The following SECISBP2L variants were observed in gnomAD, a reference collection of about 807,000 sequenced individuals.
The protein encoded by SECISBP2L is SECIS binding protein 2 like.
A neutral mutation model predicts 114.7 loss-of-function variants in SECISBP2L; 43 were observed. The ratio of observed to expected loss-of-function variants is 0.38; its 90% CI spans 0.29 to 0.48. The LOEUF (loss-of-function observed/expected upper bound fraction) is 0.48, where lower values mean the gene tolerates loss of function less well. Among genes scored for constraint, SECISBP2L ranks in the 20% least tolerant of loss-of-function variants. SECISBP2L has a pLI of 0.98. For missense variants in SECISBP2L, 1,136 were observed against 1,301.1 expected (o/e 0.87, Z 1.95); for synonymous variants, 451 against 439.7 (o/e 1.03, Z -0.32).
intron 4 of SECISBP2L, among the ~76,000 whole-genome samples, chr15:49,032,695 T>C (rs1177909258): frequency 6.6e-6 from 1 of 152,192 alleles, no homozygotes; most frequent in Admixed American, 6.6e-5. Flanking sequence ...ATCTGCAAAA[T>C]TCCATCTCTG....
chr15:49,046,228 C>T, intron 1 of SECISBP2L, 48 bp downstream of exon 1: 3 of 1,564,046 alleles, frequency 1.9e-6, no homozygotes, highest in Non-Finnish European at 1.7e-6. Context: ...TGTGAGGAAG[C>T]GGCGACCCCA....
Position 49,011,834 on chromosome 15 carries a change from C to A in SECISBP2L, c.1761G>T (p.Lys587Asn). 1.2e-6 allele frequency: 2 copies of A among 1,614,052 alleles called. No individual in the cohort carries two copies. The highest frequency in any genetic ancestry group is 2.2e-5 in the South Asian group (2 of 91,066). Residue 587 changes from lysine (K) to asparagine (N), a missense_variant, in exon 13 of 18, where the codon AAG (lysine) becomes AAT (asparagine). By Grantham distance (94) the Lys-to-Asn change is moderately conservative. Around this residue, in one of 2 missense-constraint regions of SECISBP2L, gnomAD observed 684 missense variants for 848.7 expected, o/e 0.81. Coordinates refer to ENST00000559471, the MANE Select transcript of SECISBP2L (RefSeq NM_001193489.2). ...GATTGTGGTCCACAGTTAAGCGCCC[C>A]TTCTTTTCCTCTCTTTCTTTTAAAA... The part of the protein sequence containing the change: ...KVILKEREEK[K>N]GRLTVDHNLL...
intron 17 of SECISBP2L, among the ~76,000 whole-genome samples, chr15:48,994,717 A>G (rs1166108738): frequency 2.0e-5 from 3 of 152,076 alleles, no homozygotes; most frequent in East Asian, 3.8e-4. Context: ...GAACTCCCAC[A>G]GTACTTTTTA....
At chr15:48,996,085 T>C in intron 17 of SECISBP2L, 1 of 324,232 alleles carries the variant, frequency 3.1e-6, no homozygotes, top group Non-Finnish European at 5.7e-6. Context: ...TCCTAATGTT[T>C]AGTTAGTGAT....
At chr15:49,011,107 T>C (rs1902429001) in intron 13 of SECISBP2L, among the ~76,000 whole-genome samples, 1 of 152,216 alleles carries the variant, frequency 6.6e-6, no homozygotes, top group Non-Finnish European at 1.5e-5. Context: ...GCTTAATCTA[T>C]GTGTAAACCA....
At chr15:49,022,164 C>T (rs1173123050) in intron 7 of SECISBP2L, among the ~76,000 whole-genome samples, 1 of 152,162 alleles carries the variant, frequency 6.6e-6, no homozygotes, top group Non-Finnish European at 1.5e-5. Flanking sequence ...GTCACCCAGG[C>T]TGGAGTGCAG....
At position 49,034,771 on chromosome 15, in the gene SECISBP2L, C is replaced by G. The variant is rs554606143; in HGVS notation, c.528+563G>C. Among the ~76,000 whole-genome samples the G allele has an allele frequency of 7.9e-4, 118 of 149,524 alleles. 3 individuals are homozygous for G. The South Asian group carries it at 0.022, about 28-fold the overall frequency. On this transcript the variant is annotated intron_variant, in intron 3 of 17. Coordinates refer to ENST00000559471, the MANE Select transcript of SECISBP2L (RefSeq NM_001193489.2). ...TCTTGACCTCCTGGGCTCAAGCGAT[C>G]TTCCCACCTCAGCCCCCAAGTAGCT...
rs1364528284 is a variant in SECISBP2L at position 48,992,368 on chromosome 15, G to C, written c.3182C>G (p.Pro1061Arg). 6.2e-7 allele frequency: 1 copy of C among 1,614,118 alleles called. No individual in the cohort carries two copies. Among genetic ancestry groups the C allele is most frequent in the Admixed American group, 1.7e-5 (1 of 60,014 alleles). ...AGTCCATGCCTCACTGTCCATCCCT[G>C]GCTCCAGCACCTCAGGCGCCTCTGC... is the stretch of plus-strand genomic sequence containing the variant. ...EEAEAPEVLE[P>R]GMDSEAWTAD... is the part of the protein sequence containing the mutation. The change falls in exon 18 of 18, where the codon CCA (proline) becomes CGA (arginine). Residue 1061 changes from proline to arginine, a missense_variant. Around this residue, in one of 2 missense-constraint regions of SECISBP2L, gnomAD observed 684 missense variants for 848.7 expected, o/e 0.81. Coordinates refer to ENST00000559471, the MANE Select transcript of SECISBP2L (RefSeq NM_001193489.2).
intron 14 of SECISBP2L, among the ~76,000 whole-genome samples, chr15:49,005,265 G>C (rs754744641): frequency 6.6e-6 from 1 of 152,118 alleles, no homozygotes; most frequent in Non-Finnish European, 1.5e-5. Context: ...AGGAGGTGGA[G>C]GTTGCAATAA....
At chr15:49,032,311 A>G (rs1249019714) in intron 4 of SECISBP2L, among the ~76,000 whole-genome samples, 1 of 152,220 alleles carries the variant, frequency 6.6e-6, no homozygotes, top group Non-Finnish European at 1.5e-5. Context: ...CTCTACAGAT[A>G]GTTTCTGTAC....
intron 14 of SECISBP2L, among the ~76,000 whole-genome samples, chr15:49,007,994 C>A (rs11070677): frequency 0.73 from 110,490 of 152,054 alleles, 40,594 homozygotes; most frequent in Middle Eastern, 0.78. Context: ...TAGTGTGAGA[C>A]ACAGAAAGTC....
chr15:49,009,194 CAAT>C lies in SECISBP2L; in HGVS notation c.2027+19_2027+21del. The C allele has an allele frequency of 6.2e-7, 1 of 1,611,260 alleles. No individual in the cohort carries two copies. Among genetic ancestry groups the C allele is most frequent in the Non-Finnish European group, 8.5e-7 (1 of 1,177,924 alleles). On this transcript the variant is annotated intron_variant, in intron 14 of 17. Transcript: ENST00000559471. ...TCAAGATCCTTAAACTATTCAACCT[CAAT>C]AATGAGTATAAAACTTACTCTCTAA...
intron 4 of SECISBP2L, among the ~76,000 whole-genome samples, chr15:49,030,476 C>T (rs1902862982): frequency 6.6e-6 from 1 of 152,176 alleles, no homozygotes; most frequent in Non-Finnish European, 1.5e-5. Flanking sequence ...TCCACGGGCC[C>T]CAAGGACAGG....
rs138399382 is a variant in SECISBP2L at position 49,000,041 on chromosome 15, T to C, written c.2249-54A>G. On this transcript the variant is annotated intron_variant, in intron 15 of 17. Transcript: ENST00000559471. Reference sequence around the variant, plus strand: ...TTAGTTGTTGCCTACATGGAGCTAATTGCACACCCGATAGCTAAAGCATAA... The same window carrying C: ...TTAGTTGTTGCCTACATGGAGCTAACTGCACACCCGATAGCTAAAGCATAA... 3.1e-5 allele frequency: 49 copies of C among 1,586,172 alleles called. No homozygotes were observed. In the East Asian group the frequency reaches 3.1e-4, roughly 10 times the overall value.
At position 49,019,401 on chromosome 15, in the gene SECISBP2L, G is replaced by A. The variant is rs762960196; in HGVS notation, c.1170+17C>T. 2.1e-6 allele frequency: 3 copies of A among 1,409,828 alleles called. No homozygotes were observed. 87.3% of individuals were successfully genotyped at this position (1,409,828 alleles called of 1,614,324 possible). On this transcript the variant is annotated intron_variant, in intron 8 of 17. Transcript: ENST00000559471. ...CATTTCCTATAACAGCTTACAAATAGAGTTTGAAAAAAATACCTCAAAATA... is the reference window on the plus strand; with the variant it reads ...CATTTCCTATAACAGCTTACAAATAAAGTTTGAAAAAAATACCTCAAAATA...
At chr15:49,003,574 T>A (rs551486594) in intron 14 of SECISBP2L, among the ~76,000 whole-genome samples, 38 of 152,314 alleles carry the variant, frequency 2.5e-4, no homozygotes, top group African/African-American at 9.1e-4. Flanking sequence ...TGGCTGTGGG[T>A]TTGTCATAAA....
At chr15:48,993,100 A>AGAGAGAGAGTGT (rs772299775) in intron 17 of SECISBP2L, among the ~76,000 whole-genome samples, 174 bp from the exon 18 acceptor site, 18 of 139,130 alleles carry the variant, frequency 1.3e-4, no homozygotes, top group African/African-American at 3.1e-4. Context: ...ACAGAGAGAG[A>AGAGAGAGAGTGT]GTGTGTGTGT....
chr15:48,989,129 GT>G lies in SECISBP2L; in HGVS notation c.*3114del, dbSNP rs11401269. On this transcript the variant is annotated 3_prime_UTR_variant, in exon 18 of 18. Coordinates refer to ENST00000559471, the MANE Select transcript of SECISBP2L (RefSeq NM_001193489.2). The stretch of plus-strand genomic sequence containing the variant: ...CATACAGAAAATACATGACAAGGGT[GT>G]TTTTTTTTTTTAAGCAAACAGCAGC... The G allele has an allele frequency of 3.8e-3, 564 of 146,848 alleles. 6 individuals carry two copies. The highest frequency in any genetic ancestry group is 0.023 in the South Asian group (108 of 4,656). 9.1% of individuals were successfully genotyped at this position (146,848 alleles called of 1,614,324 possible).
At chr15:49,002,271 T>C (rs1902228473) in intron 14 of SECISBP2L, among the ~76,000 whole-genome samples, 2 of 152,222 alleles carry the variant, frequency 1.3e-5, no homozygotes, top group Non-Finnish European at 1.5e-5. Context: ...AAGTATCTGC[T>C]CGTATCCTTC....
Sources: gnomAD v4.1 joint callset for allele counts (sites outside exome capture counted in the v4.1 genomes callset) on GRCh38, gnomAD v4.1.1 for gene constraint, gnomAD v4.1.1 regional missense constraint, MANE v1.5 for transcripts, NCBI Gene and HGNC (gene_info 2026-07-23, HGNC 2026-07-21) for gene names.